The following ACADM variants were observed in gnomAD, a reference collection of about 807,000 sequenced individuals.
ACADM encodes acyl-CoA dehydrogenase medium chain.
A neutral mutation model predicts 58.9 loss-of-function variants in ACADM; 49 were observed. The observed-to-expected ratio is 0.83, with a 90% confidence interval of 0.66 to 1.06. The LOEUF (loss-of-function observed/expected upper bound fraction) is 1.06. Ranked by LOEUF, ACADM falls within the 50% of genes least tolerant of loss-of-function variation. The pLI is 0.00. For missense variants in ACADM, 496 were observed against 507.0 expected, an observed-to-expected ratio of 0.98 and a Z score of 0.21; for synonymous variants, 160 against 157.7, an observed-to-expected ratio of 1.01 and a Z score of -0.11.
intron 1 of ACADM, among the ~76,000 whole-genome samples, chr1:75,726,936 C>T (rs867000948): frequency 6.6e-5 from 10 of 151,644 alleles, no homozygotes; most frequent in African/African-American, 2.4e-4. Context: ...TCCCGAGTAG[C>T]TGGGACTACA....
intron 10 of ACADM, among the ~76,000 whole-genome samples, chr1:75,759,361 C>G (rs1648693201): frequency 6.6e-6 from 1 of 152,224 alleles, no homozygotes; most frequent in African/African-American, 2.4e-5. Context: ...CTGCCATCGT[C>G]TTTCCAGTGA....
At chr1:75,739,917 CCAAA>C (rs372761472) in intron 6 of ACADM, 59 bp from the exon 7 acceptor site, 8 of 1,253,744 alleles carry the variant, frequency 6.4e-6, no homozygotes, top group African/African-American at 3.0e-5. Flanking sequence ...AATCCTGTTT[CCAAA>C]CAGTCAAAAT....
intron 10 of ACADM, among the ~76,000 whole-genome samples, chr1:75,759,599 C>T (rs994769202): frequency 5.3e-5 from 8 of 151,362 alleles, no homozygotes; most frequent in African/African-American, 1.9e-4. Flanking sequence ...TTGTCCTTTC[C>T]TCTGTCTTGG....
At chr1:75,761,485 A>G in intron 11 of ACADM, 115 bp downstream of exon 11, 1 of 1,160,598 alleles carries the variant, frequency 8.6e-7, no homozygotes, top group South Asian at 1.3e-5. Context: ...AATGACTGTC[A>G]TATATGGCTG....
intron 10 of ACADM, among the ~76,000 whole-genome samples, chr1:75,754,606 A>G (rs1301304181): frequency 6.6e-6 from 1 of 152,216 alleles, no homozygotes; most frequent in Non-Finnish European, 1.5e-5. Flanking sequence ...TAGCCATTTC[A>G]TGTGTGGTAT....
At chr1:75,757,492 A>G (rs1435237539) in intron 10 of ACADM, among the ~76,000 whole-genome samples, 3 of 152,354 alleles carry the variant, frequency 2.0e-5, no homozygotes, top group African/African-American at 2.4e-5. Context: ...AATGCAAATC[A>G]AAACCACAAT....
At chr1:75,755,688 C>T (rs914448067) in intron 10 of ACADM, among the ~76,000 whole-genome samples, 5 of 152,186 alleles carry the variant, frequency 3.3e-5, no homozygotes, top group African/African-American at 9.6e-5. Flanking sequence ...GAAAATTCTA[C>T]AAATCAAGAG....
At chr1:75,728,286 A>T in intron 1 of ACADM, 115 bp from the exon 2 acceptor site, 1 of 733,570 alleles carries the variant, frequency 1.4e-6, no homozygotes, top group Admixed American at 2.7e-5. Context: ...TGATGACTTT[A>T]AAAACTATGA....
At chr1:75,743,937 G>A in intron 7 of ACADM, 2 of 1,523,172 alleles carry the variant, frequency 1.3e-6, no homozygotes, top group Non-Finnish European at 1.8e-6. Flanking sequence ...ATGCCGACAT[G>A]AAGCCTAGTT....
intron 10 of ACADM, among the ~76,000 whole-genome samples, chr1:75,751,197 G>A (rs1445887567): frequency 3.3e-5 from 5 of 151,154 alleles, no homozygotes; most frequent in African/African-American, 9.7e-5. Flanking sequence ...AAAATTAGCC[G>A]AGCATGGTGG....
At chr1:75,726,800 CTTTTTTTTT>C (rs748703972) in intron 1 of ACADM, among the ~76,000 whole-genome samples, 2 of 119,844 alleles carry the variant, frequency 1.7e-5, no homozygotes, top group Non-Finnish European at 1.7e-5. Flanking sequence ...AACTGTTTCA[CTTTTTTTTT>C]TTTTTTTTTT....
chr1:75,744,340 G>A, intron 7 of ACADM: 1 of 1,609,068 alleles, frequency 6.2e-7, no homozygotes, highest in Non-Finnish European at 8.5e-7. Context: ...AGCAGCACCA[G>A]TTTTCCTGAG....
At position 75,724,830 on chromosome 1, in the gene ACADM, C is replaced by G; in HGVS notation, c.30+13C>G. 6.8e-7 allele frequency: 1 copy of G among 1,478,660 alleles called. No homozygotes were observed. Among genetic ancestry groups the G allele is most frequent in the Non-Finnish European group, 9.0e-7 (1 of 1,109,982 alleles). The allele number at this position is 1,478,660 out of a possible 1,614,324, so 91.6% of individuals were successfully genotyped here. On this transcript the variant is annotated intron_variant, in intron 1 of 11. Coordinates refer to ENST00000370841, the MANE Select transcript of ACADM (RefSeq NM_000016.6). ...GCGATGCTGCAGGGTGAGAGGGAGC[C>G]CAGCGGTGCGGTGGGGCTGGAACAT...
intron 10 of ACADM, among the ~76,000 whole-genome samples, chr1:75,760,701 G>A (rs1648797111): frequency 6.6e-6 from 1 of 151,756 alleles, no homozygotes; most frequent in South Asian, 2.1e-4. Context: ...GAAAGAATAA[G>A]AAGAAATAAC....
At chr1:75,731,466 C>G (rs939406711) in intron 2 of ACADM, among the ~76,000 whole-genome samples, 1 of 151,934 alleles carries the variant, frequency 6.6e-6, no homozygotes, top group Non-Finnish European at 1.5e-5. Flanking sequence ...TAAATTTTAC[C>G]TAATCTTTGA....
chr1:75,744,264 C>T (rs370924292), intron 7 of ACADM: 590 of 1,612,548 alleles, frequency 3.7e-4, no homozygotes, highest in Non-Finnish European at 4.7e-4. Context: ...GAGGAACTGC[C>T]GCTGCTATAG....
chr1:75,753,122 C>T (rs765400314), intron 10 of ACADM, among the ~76,000 whole-genome samples: 42 of 152,186 alleles, frequency 2.8e-4, no homozygotes, highest in Admixed American at 1.3e-3. Context: ...CTTTTTTTAA[C>T]CCTCCTGGGC....
intron 2 of ACADM, among the ~76,000 whole-genome samples, chr1:75,731,794 G>C (rs1216242697): frequency 2.0e-5 from 3 of 151,212 alleles, no homozygotes; most frequent in Non-Finnish European, 4.4e-5. Context: ...GGAGACCACG[G>C]CAGGAGGATT....
At chr1:75,755,832 G>A (rs1018523016) in intron 10 of ACADM, among the ~76,000 whole-genome samples, 1 of 152,144 alleles carries the variant, frequency 6.6e-6, no homozygotes, top group Non-Finnish European at 1.5e-5. Flanking sequence ...GGAGGATACT[G>A]GCAAACTGAA....
Sources: gnomAD v4.1 joint callset for allele counts (sites outside exome capture counted in the v4.1 genomes callset) on GRCh38, gnomAD v4.1.1 for gene constraint, MANE v1.5 for transcripts, NCBI Gene and HGNC (gene_info 2026-07-23, HGNC 2026-07-21) for gene names.